Variants in ANKRD45 observed in about 807,000 individuals in gnomAD.
ANKRD45 encodes ankyrin repeat domain 45, also known as ankyrin repeat domain-containing protein 45.
In ANKRD45, 21 loss-of-function variants were observed where a neutral mutation model predicts 28.1. The ratio of observed to expected loss-of-function variants is 0.75; its 90% CI spans 0.53 to 1.08. ANKRD45 has a LOEUF of 1.08. ANKRD45 is among the 50% of genes least tolerant of loss of function. The pLI, the probability that ANKRD45 is intolerant of heterozygous loss-of-function variation, is 0.00. For synonymous variants in ANKRD45, 86 were observed against 103.9 expected (o/e 0.83, Z 1.05); for missense variants, 261 against 308.7 (o/e 0.85, Z 1.16).
the ANKRD45 span, among the ~76,000 whole-genome samples, chr1:173,693,324 C>T: frequency 2.0e-5 from 3 of 152,080 alleles, no homozygotes; most frequent in Non-Finnish European, 4.4e-5. Flanking sequence ...TGTTAATTTC[C>T]CCATTTGTAG....
At chr1:173,647,660 T>C (rs575024546) in intron 2 of ANKRD45, among the ~76,000 whole-genome samples, 4 of 152,316 alleles carry the variant, frequency 2.6e-5, no homozygotes, top group Non-Finnish European at 4.4e-5. Flanking sequence ...CTCACAAGGA[T>C]ATACATACTT....
rs1169395949 is a variant in ANKRD45 at position 173,608,959 on chromosome 1, G to C, written c.*1186C>G. Among the ~76,000 whole-genome samples the C allele has an allele frequency of 1.6e-5, 2 of 128,230 alleles. No individual in the cohort carries two copies. The highest frequency in any genetic ancestry group is 3.4e-5 in the Non-Finnish European group (2 of 59,476). 84.1% of individuals were successfully genotyped at this position (128,230 alleles called of 152,430 possible). On this transcript the variant is annotated 3_prime_UTR_variant, in exon 6 of 6. Coordinates refer to ENST00000333279, the MANE Select transcript of ANKRD45 (RefSeq NM_198493.3). ...GGAGGGGAAGGGAGAGGAAGGGAGA[G>C]GAAGGAGAAGGGGAAGGGAAGGGAA...
chr1:173,687,862 TATC>T, the ANKRD45 span, among the ~76,000 whole-genome samples: 328 of 152,322 alleles, frequency 2.2e-3, 1 homozygote, highest in Non-Finnish European at 4.0e-3. Context: ...AGGAAACATC[TATC>T]ATCCTGTCCT....
the ANKRD45 span, among the ~76,000 whole-genome samples, chr1:173,692,013 G>C: frequency 1.3e-5 from 2 of 152,142 alleles, no homozygotes; most frequent in Non-Finnish European, 2.9e-5. Context: ...AGTCAGGGTC[G>C]AGCAGGTAGC....
chr1:173,703,370 A>AT, the ANKRD45 span, among the ~76,000 whole-genome samples: 25 of 151,602 alleles, frequency 1.6e-4, no homozygotes, highest in Middle Eastern at 0.017. Flanking sequence ...CACCTGGCTA[A>AT]TTTTTTTGTA....
At chr1:173,705,756 T>A in the ANKRD45 span, among the ~76,000 whole-genome samples, 4 of 152,138 alleles carry the variant, frequency 2.6e-5, no homozygotes, top group Non-Finnish European at 5.9e-5. Context: ...TAAAGCCTAA[T>A]ACTTTCAAAA....
chr1:173,617,317 C>T (rs1038339351), intron 5 of ANKRD45, among the ~76,000 whole-genome samples: 1 of 152,188 alleles, frequency 6.6e-6, no homozygotes, highest in African/African-American at 2.4e-5. Flanking sequence ...TAAGACCCAC[C>T]ACCTTGGAAT....
chr1:173,648,230 G>A (rs1188560519), intron 2 of ANKRD45, among the ~76,000 whole-genome samples: 1 of 152,066 alleles, frequency 6.6e-6, no homozygotes, highest in African/African-American at 2.4e-5. Context: ...AAGCCACCAT[G>A]CCCAGCCAAT....
the ANKRD45 span, among the ~76,000 whole-genome samples, chr1:173,694,751 A>T: frequency 3.2e-4 from 48 of 151,916 alleles, no homozygotes; most frequent in African/African-American, 1.1e-3. Context: ...TGTCCATTAT[A>T]CCATTTTGTA....
In ANKRD45 at chr1:173,623,304, C is replaced by T. The variant is rs190131720; in HGVS notation, c.730+1483G>A. The stretch of plus-strand genomic sequence containing the variant: ...AGTCTGAGTGACAAGAGTGAGACTC[C>T]GCCTCGAAAAAAAAAAAAACACATT... On this transcript the variant is annotated intron_variant, in intron 5 of 5. Transcript: ENST00000333279. Among the ~76,000 whole-genome samples, 294 of 149,198 alleles carry T rather than the reference C, an allele frequency of 2.0e-3. 1 individual carries two copies. Among genetic ancestry groups the T allele is most frequent in the Admixed American group, 5.2e-3 (78 of 15,042 alleles).
the ANKRD45 span, among the ~76,000 whole-genome samples, chr1:173,701,333 G>A: frequency 6.6e-6 from 1 of 152,180 alleles, no homozygotes; most frequent in Non-Finnish European, 1.5e-5. Context: ...ACACCCAAAG[G>A]AGTATAAATC....
the ANKRD45 span, among the ~76,000 whole-genome samples, chr1:173,704,068 G>T: frequency 6.6e-6 from 1 of 152,244 alleles, no homozygotes; most frequent in African/African-American, 2.4e-5. Flanking sequence ...AGGCAGGAAA[G>T]TGGGGCTGAT....
At chr1:173,683,972 A>G in the ANKRD45 span, among the ~76,000 whole-genome samples, 2 of 152,136 alleles carry the variant, frequency 1.3e-5, no homozygotes, top group African/African-American at 2.4e-5. Flanking sequence ...TCATTCCCCT[A>G]TTGGCTAGGG....
chr1:173,640,652 C>T (rs1335848676), intron 3 of ANKRD45, among the ~76,000 whole-genome samples: 1 of 152,120 alleles, frequency 6.6e-6, no homozygotes, highest in African/African-American at 2.4e-5. Flanking sequence ...TCTGTCACAC[C>T]TTGTGGAGAT....
chr1:173,706,798 T>C, the ANKRD45 span, among the ~76,000 whole-genome samples: 1 of 152,196 alleles, frequency 6.6e-6, no homozygotes, highest in Non-Finnish European at 1.5e-5. Flanking sequence ...ATTTTATTTT[T>C]GCAAGTGTTT....
the ANKRD45 span, among the ~76,000 whole-genome samples, chr1:173,700,563 A>C: frequency 5.3e-5 from 8 of 152,290 alleles, no homozygotes; most frequent in East Asian, 1.9e-4. Context: ...CAAAAACAAG[A>C]AATGGGGAAA....
chr1:173,615,976 G>A (rs576020420), intron 5 of ANKRD45, among the ~76,000 whole-genome samples: 10 of 152,106 alleles, frequency 6.6e-5, no homozygotes, highest in East Asian at 3.9e-4. Flanking sequence ...GGTGGCGGGC[G>A]CCTGTAGTCC....
At chr1:173,623,516 G>A (rs1558121306) in intron 5 of ANKRD45, among the ~76,000 whole-genome samples, 2 of 152,140 alleles carry the variant, frequency 1.3e-5, no homozygotes, top group African/African-American at 4.8e-5. Context: ...TGGTAGGAAT[G>A]TAAATTAATT....
chr1:173,692,101 G>A, the ANKRD45 span, among the ~76,000 whole-genome samples: 1 of 152,142 alleles, frequency 6.6e-6, no homozygotes, highest in Non-Finnish European at 1.5e-5. Flanking sequence ...ATGAGTTAGG[G>A]TGGAGTAGGT....
Sources: gnomAD v4.1 joint callset for allele counts (sites outside exome capture counted in the v4.1 genomes callset) on GRCh38, gnomAD v4.1.1 for gene constraint, MANE v1.5 for transcripts, NCBI Gene and HGNC (gene_info 2026-07-23, HGNC 2026-07-21) for gene names.